The following MYRIP variants were observed in gnomAD, a reference collection of about 807,000 sequenced individuals.
The protein encoded by MYRIP is rab effector MyRIP.
A neutral mutation model predicts 98.0 loss-of-function variants in MYRIP; 49 were observed. That is an observed-to-expected ratio of 0.50 (90% CI 0.40 to 0.63). MYRIP has a LOEUF of 0.63. Among genes scored for constraint, MYRIP ranks in the 30% least tolerant of loss-of-function variants. The pLI, the probability that MYRIP is intolerant of heterozygous loss-of-function variation, is 0.00. For missense variants in MYRIP, 1,004 were observed against 1,058.2 expected (o/e 0.95, Z 0.71); for synonymous variants, 404 against 409.5 (o/e 0.99, Z 0.16).
At chr3:39,832,951 T>G (rs1941495996) in intron 1 of MYRIP, among the ~76,000 whole-genome samples, 1 of 152,164 alleles carries the variant, frequency 6.6e-6, no homozygotes, top group Non-Finnish European at 1.5e-5. Context: ...TTTATCATAG[T>G]CCTCTGTGAA....
intron 3 of MYRIP, among the ~76,000 whole-genome samples, chr3:40,148,148 CATT>C (rs1356915857): frequency 3.9e-5 from 6 of 152,152 alleles, no homozygotes; most frequent in Non-Finnish European, 8.8e-5. Context: ...ATTTTAGCAT[CATT>C]ATTTTTATCC....
rs150544621 is a variant in MYRIP, at chr3:39,900,889, G to C, written c.73G>C (p.Asp25His). ...GCATGTTCTTCAGGTGGTTCAAAGA[G>C]ACTTCAATCTTCGCAAAAAAGAAGA... ...TEHVLQVVQR[D>H]FNLRKKEEER... Residue 25 changes from aspartate (D) to histidine (H), a missense_variant, in exon 2 of 17, where the codon GAC becomes CAC. Coordinates refer to ENST00000302541, the MANE Select transcript of MYRIP (RefSeq NM_015460.4). The C allele has an allele frequency of 2.5e-6, 4 of 1,613,728 alleles. No homozygotes were observed. The East Asian group carries it at 8.9e-5, about 36-fold the overall frequency.
intron 2 of MYRIP, among the ~76,000 whole-genome samples, chr3:39,999,141 C>A (rs1946449394): frequency 6.6e-6 from 1 of 152,176 alleles, no homozygotes. Context: ...GTCTAAAACA[C>A]CAAAAGCAAT....
chr3:40,125,217 A>G (rs2125913888), intron 3 of MYRIP, among the ~76,000 whole-genome samples: 1 of 152,340 alleles, frequency 6.6e-6, no homozygotes, highest in South Asian at 2.1e-4. Flanking sequence ...GAGGGACAGA[A>G]CTAATAGGAT....
chr3:40,028,304 A>G (rs1183483045), intron 2 of MYRIP, among the ~76,000 whole-genome samples: 2 of 152,176 alleles, frequency 1.3e-5, no homozygotes, highest in African/African-American at 4.8e-5. Context: ...CAGACTAAGC[A>G]TGTTCAACAT....
At chr3:40,058,493 A>AT (rs1478562856) in intron 3 of MYRIP, among the ~76,000 whole-genome samples, 1 of 152,168 alleles carries the variant, frequency 6.6e-6, no homozygotes, top group Non-Finnish European at 1.5e-5. Flanking sequence ...TATAGCTAAC[A>AT]TTTTTTAACT....
At chr3:39,856,719 A>G (rs1272200365) in intron 1 of MYRIP, among the ~76,000 whole-genome samples, 2 of 152,110 alleles carry the variant, frequency 1.3e-5, no homozygotes, top group African/African-American at 4.8e-5. Flanking sequence ...CCACAGAAAC[A>G]ACTAGATGGT....
intron 4 of MYRIP, among the ~76,000 whole-genome samples, chr3:40,155,857 A>C (rs1029555639): frequency 4.0e-5 from 6 of 151,078 alleles, no homozygotes; most frequent in African/African-American, 1.5e-4. Flanking sequence ...TTTTCTTGTA[A>C]ATTTGTTTGA....
At chr3:39,827,112 TTTTG>T (rs906741792) in intron 1 of MYRIP, among the ~76,000 whole-genome samples, 1 of 152,168 alleles carries the variant, frequency 6.6e-6, no homozygotes, top group African/African-American at 2.4e-5. Flanking sequence ...ATTTTTAATT[TTTTG>T]TTTGTTTGTT....
rs1308358394 is a variant in MYRIP at position 39,809,789 on chromosome 3, C to A, written c.-158C>A. 6.6e-6 allele frequency: 1 copy of A among 152,268 alleles called. No homozygotes were observed. Among genetic ancestry groups the A allele is most frequent in the East Asian group, 1.9e-4 (1 of 5,180 alleles). The allele number at this position is 152,268 out of a possible 1,614,324, so 9.4% of individuals were successfully genotyped here. Reference sequence around the variant, plus strand: ...CAGACCGACCCGCGCCCCTTCTTCGCCGCCGGCAGCCTCTAATCCACGCGG... The same window carrying A: ...CAGACCGACCCGCGCCCCTTCTTCGACGCCGGCAGCCTCTAATCCACGCGG... On this transcript the variant is annotated 5_prime_UTR_variant, in exon 1 of 17. Coordinates refer to ENST00000302541, the MANE Select transcript of MYRIP (RefSeq NM_015460.4).
At chr3:40,218,615 T>TATATATATATATAC (rs1952211212) in intron 11 of MYRIP, among the ~76,000 whole-genome samples, 1 of 7,678 alleles carries the variant, frequency 1.3e-4, no homozygotes. Context: ...ATATATTTTA[T>TATATATATATATAC]ATATATATAT....
intron 2 of MYRIP, among the ~76,000 whole-genome samples, chr3:39,995,471 A>T (rs867516870): frequency 1.3e-5 from 2 of 152,346 alleles, no homozygotes; most frequent in Non-Finnish European, 1.5e-5. Context: ...ATGAAGCAAG[A>T]AGAGAACTTT....
intron 1 of MYRIP, among the ~76,000 whole-genome samples, chr3:39,871,289 T>C (rs191747189): frequency 6.6e-6 from 1 of 152,250 alleles, no homozygotes; most frequent in Non-Finnish European, 1.5e-5. Context: ...CTGTTTGCAA[T>C]TTGGAATGCC....
intron 12 of MYRIP, among the ~76,000 whole-genome samples, chr3:40,235,862 T>C (rs1359002946): frequency 6.6e-6 from 1 of 152,120 alleles, no homozygotes; most frequent in African/African-American, 2.4e-5. Flanking sequence ...ATTTCAACAT[T>C]TAGAAGGGTT....
intron 2 of MYRIP, among the ~76,000 whole-genome samples, chr3:40,028,365 CT>C (rs1947183585): frequency 6.6e-6 from 1 of 152,164 alleles, no homozygotes; most frequent in African/African-American, 2.4e-5. Flanking sequence ...TTCACACCCC[CT>C]GTTACCCAGT....
At chr3:40,005,122 G>A (rs1207017332) in intron 2 of MYRIP, among the ~76,000 whole-genome samples, 1 of 152,152 alleles carries the variant, frequency 6.6e-6, no homozygotes, top group African/African-American at 2.4e-5. Context: ...CCTTTTTTAT[G>A]GCTGAATAGT....
At chr3:39,850,675 AAGTT>A (rs1942103992) in intron 1 of MYRIP, among the ~76,000 whole-genome samples, 1 of 152,324 alleles carries the variant, frequency 6.6e-6, no homozygotes, top group East Asian at 1.9e-4. Flanking sequence ...GGTGAGGTCT[AAGTT>A]AGTGAAGTTT....
chr3:40,046,655 T>C (rs1412394620), intron 3 of MYRIP, among the ~76,000 whole-genome samples: 1 of 150,234 alleles, frequency 6.7e-6, no homozygotes, highest in Non-Finnish European at 1.5e-5. Flanking sequence ...ACCCAAGGTG[T>C]GTGGAGGGTC....
chr3:39,810,374 G>GA (rs532751676), intron 1 of MYRIP: 1 of 152,416 alleles, frequency 6.6e-6, no homozygotes, highest in South Asian at 2.1e-4. Context: ...GGTAATCAGG[G>GA]ACTCTCTCAA....
Sources: allele counts gnomAD v4.1 joint callset (sites outside exome capture counted in the v4.1 genomes callset), GRCh38; gene constraint gnomAD v4.1.1; transcripts MANE v1.5; gene names NCBI Gene and HGNC (gene_info 2026-07-23, HGNC 2026-07-21).